The following VWA3B variants were observed in gnomAD, a reference collection of about 807,000 sequenced individuals.
The protein encoded by VWA3B is von Willebrand factor A domain-containing protein 3B.
Under a neutral mutation model 158.3 loss-of-function variants are expected in VWA3B, and 138 were observed. That is an observed-to-expected ratio of 0.87 (90% confidence interval 0.76 to 1.00). The LOEUF (loss-of-function observed/expected upper bound fraction) is 1.00. VWA3B is among the 50% of genes least tolerant of loss of function. VWA3B has a pLI of 0.00. For missense variants in VWA3B, 1,555 were observed against 1,565.1 expected (o/e 0.99, Z 0.11); for synonymous variants, 596 against 587.3 (o/e 1.01, Z -0.21).
At chr2:98,252,611 T>C (rs887799780) in intron 20 of VWA3B, among the ~76,000 whole-genome samples, 1 of 152,094 alleles carries the variant, frequency 6.6e-6, no homozygotes, top group South Asian at 2.1e-4. Context: ...ATTATGTAAA[T>C]GATATGTAAA....
At chr2:98,240,871 C>T (rs991248568) in intron 19 of VWA3B, among the ~76,000 whole-genome samples, 1 of 152,110 alleles carries the variant, frequency 6.6e-6, no homozygotes, top group Non-Finnish European at 1.5e-5. Flanking sequence ...GTGTAAAGTA[C>T]TTAGCAGGCA....
intron 22 of VWA3B, among the ~76,000 whole-genome samples, chr2:98,272,837 C>T (rs533686093): frequency 6.6e-6 from 1 of 152,162 alleles, no homozygotes; most frequent in Non-Finnish European, 1.5e-5. Flanking sequence ...GGACCAATGC[C>T]ATTATCACAG....
At chr2:98,183,735 G>A (rs955788864) in intron 9 of VWA3B, among the ~76,000 whole-genome samples, 5 of 152,214 alleles carry the variant, frequency 3.3e-5, no homozygotes, top group African/African-American at 7.2e-5. Context: ...GATACGGAAC[G>A]AGAAGTTCTA....
intron 19 of VWA3B, among the ~76,000 whole-genome samples, chr2:98,244,491 A>C (rs1262466602): frequency 6.6e-6 from 1 of 152,166 alleles, no homozygotes; most frequent in Non-Finnish European, 1.5e-5. Context: ...TAAATAGCAC[A>C]GTTACATTTC....
intron 22 of VWA3B, among the ~76,000 whole-genome samples, chr2:98,273,660 A>T (rs1688346328): frequency 6.6e-6 from 1 of 152,150 alleles, no homozygotes; most frequent in South Asian, 2.1e-4. Context: ...AGTGCCCATG[A>T]GATGCCAAGC....
At chr2:98,203,149 C>T (rs62154933) in intron 12 of VWA3B, among the ~76,000 whole-genome samples, 6,631 of 152,198 alleles carry the variant, frequency 0.044, 217 homozygotes, top group Non-Finnish European at 0.068. Context: ...TATTTTTCGC[C>T]TATGAATGTG....
Position 98,270,874 on chromosome 2 carries a change from C to T in VWA3B, c.3036C>T (p.Ala1012=), listed in dbSNP as rs1390906618. 4 of 1,613,696 alleles carry T rather than the reference C, an allele frequency of 2.5e-6. No individual in the cohort carries two copies. The highest frequency in any genetic ancestry group is 3.4e-6 in the Non-Finnish European group (4 of 1,179,876). The change falls in exon 22 of 28, where the codon GCC becomes GCT. Residue 1012 remains alanine (A), a synonymous_variant. Transcript: ENST00000477737. ...EAAKKNYANK[A]PGEQQKLQGN... Reference sequence around the variant, plus strand: ...CCAAGAAGAATTATGCAAACAAGGCCCCGGGAGAGGTGGGTGCCCTGGAGG... The same window carrying T: ...CCAAGAAGAATTATGCAAACAAGGCTCCGGGAGAGGTGGGTGCCCTGGAGG...
the VWA3B span, among the ~76,000 whole-genome samples, chr2:98,325,858 C>G: frequency 4.4e-4 from 67 of 152,278 alleles, no homozygotes; most frequent in African/African-American, 1.6e-3. Context: ...ACCATCTTGA[C>G]CTGTATGCCA....
intron 8 of VWA3B, among the ~76,000 whole-genome samples, chr2:98,177,964 C>T (rs1351319043): frequency 6.6e-6 from 1 of 151,776 alleles, no homozygotes; most frequent in African/African-American, 2.4e-5. Context: ...TCCTACTGCA[C>T]CTATTGATCA....
At chr2:98,169,948 G>A (rs765367408) in intron 8 of VWA3B, among the ~76,000 whole-genome samples, 12 of 152,000 alleles carry the variant, frequency 7.9e-5, no homozygotes, top group Admixed American at 1.3e-4. Flanking sequence ...GCAAAACCCC[G>A]CCTCAACAAA....
At chr2:98,099,949 A>G (rs747572477) in intron 2 of VWA3B, among the ~76,000 whole-genome samples, 1 of 152,004 alleles carries the variant, frequency 6.6e-6, no homozygotes, top group South Asian at 2.1e-4. Context: ...TATTCTGGTA[A>G]CTTATGGTTT....
intron 12 of VWA3B, chr2:98,206,734 G>A (rs1361161006): frequency 6.0e-6 from 2 of 334,672 alleles, no homozygotes; most frequent in East Asian, 7.1e-5. Context: ...TCACTCCCTA[G>A]CCAAGAGTGG....
At chr2:98,208,238 C>T (rs537639951) in intron 12 of VWA3B, among the ~76,000 whole-genome samples, 15 of 152,068 alleles carry the variant, frequency 9.9e-5, no homozygotes, top group African/African-American at 3.6e-4. Flanking sequence ...TTACCTTTAA[C>T]CTATCTACGT....
At chr2:98,137,235 T>C (rs763539583) in intron 7 of VWA3B, among the ~76,000 whole-genome samples, 27 of 152,312 alleles carry the variant, frequency 1.8e-4, no homozygotes, top group Admixed American at 6.5e-4. Flanking sequence ...CATACTGTTT[T>C]CCATAGTGGC....
downstream of VWA3B, chr2:98,313,313 A>C (rs1691013980): frequency 6.6e-6 from 1 of 151,920 alleles, no homozygotes; most frequent in African/African-American, 2.4e-5. Flanking sequence ...ACATGCGCTC[A>C]GCATCAGGCT....
intron 19 of VWA3B, chr2:98,245,517 T>G (rs1167119300): frequency 2.2e-6 from 1 of 456,370 alleles, no homozygotes; most frequent in East Asian, 7.0e-5. Context: ...GGAGAGTGGG[T>G]GCACACAAGC....
At chr2:98,248,426 C>T (rs1203452363) in intron 19 of VWA3B, among the ~76,000 whole-genome samples, 5 of 152,066 alleles carry the variant, frequency 3.3e-5, no homozygotes, top group Admixed American at 1.3e-4. Flanking sequence ...TAAATCCATC[C>T]CCTTGATCCA....
chr2:98,316,349 A>G (rs1257627466), downstream of VWA3B, among the ~76,000 whole-genome samples: 2 of 152,190 alleles, frequency 1.3e-5, no homozygotes, highest in Non-Finnish European at 2.9e-5. Flanking sequence ...CACATGTCAA[A>G]TTATAATTTC....
Position 98,152,824 on chromosome 2 carries a change from A to T in VWA3B, c.989-10027A>T, listed in dbSNP as rs140324410. On this transcript the variant is annotated intron_variant, in intron 7 of 27. Coordinates refer to ENST00000477737, the MANE Select transcript of VWA3B (RefSeq NM_144992.5). Reference sequence around the variant, plus strand: ...AGACTTGGTGGTGGGATGAGCACCCAGGCTGAAAGCCATGGTCAGAACTCT... The same window carrying T: ...AGACTTGGTGGTGGGATGAGCACCCTGGCTGAAAGCCATGGTCAGAACTCT... Among the ~76,000 whole-genome samples, 495 of 152,352 alleles carry T rather than the reference A, an allele frequency of 3.2e-3. 4 individuals carry two copies. Among genetic ancestry groups the T allele is most frequent in the African/African-American group, 0.011 (460 of 41,576 alleles).
Sources: allele counts gnomAD v4.1 joint callset (sites outside exome capture counted in the v4.1 genomes callset), GRCh38; gene constraint gnomAD v4.1.1; transcripts MANE v1.5; gene names NCBI Gene and HGNC (gene_info 2026-07-23, HGNC 2026-07-21).